CELSR1: variants seen among roughly 807,000 people sequenced by gnomAD.
CELSR1 encodes the protein adhesion G protein-coupled receptor C1.
A neutral mutation model predicts 249.1 loss-of-function variants in CELSR1; 110 were observed. The ratio of observed to expected loss-of-function variants is 0.44; its 90% CI spans 0.38 to 0.52. The LOEUF is 0.52. Ranked by LOEUF, CELSR1 falls within the 20% of genes least tolerant of loss-of-function variation. CELSR1 has a pLI of 0.00. For synonymous variants in CELSR1, 2,113 were observed against 1,900.0 expected, an observed-to-expected ratio of 1.11 and a Z score of -2.92; for missense variants, 4,109 against 4,296.4, an observed-to-expected ratio of 0.96 and a Z score of 1.22.
Position 46,399,973 on chromosome 22 carries a change from TAAAC to T in CELSR1, c.5227-75_5227-72del, listed in dbSNP as rs750248439. On this transcript the variant is annotated intron_variant, in intron 9 of 34. Coordinates refer to ENST00000674500, the MANE Select transcript of CELSR1 (RefSeq NM_001378328.1). The surrounding 1 kb of genome is among the most constrained non-coding windows in gnomAD (Gnocchi z 5.0). ...AAAGAGAAAACATTTTGCAGTCACT[TAAAC>T]AAGGAAGCTGTGAAAGGAGACTGAT... 1.6e-5 allele frequency: 23 copies of T among 1,476,776 alleles called. No homozygotes were observed. The highest frequency in any genetic ancestry group is 1.8e-4 in the Middle Eastern group (1 of 5,696). The allele number at this position is 1,476,776 out of a possible 1,614,324, so 91.5% of individuals were successfully genotyped here. A position where few individuals can be genotyped will look rare whatever the true frequency, so the allele number is the denominator to read the frequency against.
intron 1 of CELSR1, among the ~76,000 whole-genome samples, chr22:46,524,454 G>T (rs1193956028): frequency 6.6e-6 from 1 of 152,188 alleles, no homozygotes; most frequent in African/African-American, 2.4e-5. Context: ...ACAACTGGAA[G>T]GGGCGAAGTC....
Position 46,394,144 on chromosome 22 carries a change from T to G in CELSR1, c.5962A>C (p.Lys1988Gln). The G allele has an allele frequency of 6.2e-7, 1 of 1,613,522 alleles. No homozygotes were observed. Among genetic ancestry groups the G allele is most frequent in the Non-Finnish European group, 8.5e-7 (1 of 1,179,614 alleles). ...GGATCATGGGGGCGGGGCCTCACCT[T>G]GCATTGGCACTGGCCGTTGGTCTTA... ...CNKTNGQCQC[K>Q]ENYYKLLAQD... The change falls in exon 14 of 35, where the codon AAG (lysine) becomes CAG (glutamine). Residue 1988 changes from lysine to glutamine, a missense_variant and splice_region_variant. This residue lies in a region of CELSR1 where 1,805 missense variants were observed against 1,831.6 expected (regional missense o/e 0.99). Coordinates refer to ENST00000674500, the MANE Select transcript of CELSR1 (RefSeq NM_001378328.1).
intron 1 of CELSR1, among the ~76,000 whole-genome samples, chr22:46,495,904 A>G (rs2080408588): frequency 6.7e-6 from 1 of 148,390 alleles, no homozygotes; most frequent in African/African-American, 2.5e-5. Context: ...TAATTTAAAA[A>G]ATTTCTTGGC....
In CELSR1 at chr22:46,408,325, A is replaced by G. The variant is rs2079290056; in HGVS notation, c.5226+671T>C. 6.6e-6 allele frequency among the ~76,000 whole-genome samples: 1 copy of G among 152,130 alleles called. No individual in the cohort carries two copies. The highest frequency in any genetic ancestry group is 2.4e-5 in the African/African-American group (1 of 41,420). ...AGAAAGTGGACGTGCATTGGTGCCA[A>G]CCACCACCTGGCTGTGGCTTTTTGA... On this transcript the variant is annotated intron_variant, in intron 9 of 34. Coordinates refer to ENST00000674500, the MANE Select transcript of CELSR1 (RefSeq NM_001378328.1). The surrounding 1 kb of genome is among the most constrained non-coding windows in gnomAD (Gnocchi z 4.6).
At chr22:46,504,678 C>T (rs2080498118) in intron 1 of CELSR1, among the ~76,000 whole-genome samples, 1 of 152,294 alleles carries the variant, frequency 6.6e-6, no homozygotes, top group East Asian at 1.9e-4. Flanking sequence ...TGGCAGATTT[C>T]ATCTTCACAC....
At position 46,526,812 on chromosome 22, in the gene CELSR1, G is replaced by A. The variant is rs527438302; in HGVS notation, c.3544+6815C>T. Among the ~76,000 whole-genome samples, 26 of 152,158 alleles carry A rather than the reference G, an allele frequency of 1.7e-4. No homozygotes were observed. The highest frequency in any genetic ancestry group is 2.6e-4 in the Non-Finnish European group (18 of 68,032). ...ACCCTCACTTCTGTGTCCATAACCT[G>A]AGCTGGTCTCCCCAGTCTGGACCTG... On this transcript the variant is annotated intron_variant, in intron 1 of 34. Coordinates refer to ENST00000674500, the MANE Select transcript of CELSR1 (RefSeq NM_001378328.1). This position sits in a 1 kb window ranked among gnomAD's most constrained non-coding sequence, Gnocchi z 4.7.
chr22:46,390,479 C>T lies in CELSR1; in HGVS notation c.6258G>A (p.Ala2086=). 5.0e-6 allele frequency: 8 copies of T among 1,613,508 alleles called. No individual in the cohort carries two copies. Among genetic ancestry groups the T allele is most frequent in the East Asian group, 2.2e-5 (1 of 44,882 alleles). The part of the protein sequence containing the change: ...VPCPKGSVGN[A]VRHCSGEKGW... ...CCTTCTCCCCGCTGCAGTGTCGGAC[C>T]GCATTTCCTGGGGAAGGAGAGCAGG... Residue 2086 remains alanine (A), a synonymous_variant, in exon 17 of 35, where the codon GCG becomes GCA. Transcript: ENST00000674500. This position sits in a 1 kb window ranked among gnomAD's most constrained non-coding sequence, Gnocchi z 6.3.
At position 46,455,034 on chromosome 22, in the gene CELSR1, C is replaced by T. The variant is rs185207397; in HGVS notation, c.4183+8673G>A. On this transcript the variant is annotated intron_variant, in intron 2 of 34. Coordinates refer to ENST00000674500, the MANE Select transcript of CELSR1 (RefSeq NM_001378328.1). ...AGATGGAAACCTGGACAGAGACAGACGTGCACGGAAGAACACAGTGTGAAG... is the reference window on the plus strand; with the variant it reads ...AGATGGAAACCTGGACAGAGACAGATGTGCACGGAAGAACACAGTGTGAAG... Among the ~76,000 whole-genome samples, 16 of 152,266 alleles carry T rather than the reference C, an allele frequency of 1.1e-4. No individual in the cohort carries two copies. In the East Asian group the frequency reaches 1.9e-3, roughly 18 times the overall value.
Position 46,428,130 on chromosome 22 carries a change from G to A in CELSR1, c.4611+5263C>T, listed in dbSNP as rs1488971444. ...AAGCACTTACATCCTCTGCTCAACA[G>A]AAGCAGAGGCCGGTCCTCCGGTTTG... On this transcript the variant is annotated intron_variant, in intron 5 of 34. Coordinates refer to ENST00000674500, the MANE Select transcript of CELSR1 (RefSeq NM_001378328.1). This position sits in a 1 kb window ranked among gnomAD's most constrained non-coding sequence, Gnocchi z 5.7. Among the ~76,000 whole-genome samples the A allele has an allele frequency of 6.6e-6, 1 of 152,216 alleles. No individual in the cohort carries two copies. Among genetic ancestry groups the A allele is most frequent in the Non-Finnish European group, 1.5e-5 (1 of 68,024 alleles).
At position 46,380,948 on chromosome 22, in the gene CELSR1, GAGGCAACC is replaced by G. The variant is rs2078971798; in HGVS notation, c.7089-1_7095del. On this transcript the variant is annotated splice_acceptor_variant and coding_sequence_variant, in exon 22 of 35. Transcript: ENST00000674500. LOFTEE classifies it high-confidence loss of function. This position sits in a 1 kb window ranked among gnomAD's most constrained non-coding sequence, Gnocchi z 5.1. Reference sequence around the variant, plus strand: ...ATCGGGGTATTAATGATGGGCCGGTGAGGCAACCTGAGGTCAAGAAGCCAGAGCATGGG... The same window carrying G: ...ATCGGGGTATTAATGATGGGCCGGTGTGAGGTCAAGAAGCCAGAGCATGGG... 2 of 1,611,712 alleles carry G rather than the reference GAGGCAACC, an allele frequency of 1.2e-6. No homozygotes were observed. The highest frequency in any genetic ancestry group is 2.7e-5 in the African/African-American group (2 of 74,880).
intron 2 of CELSR1, among the ~76,000 whole-genome samples, chr22:46,449,477 ACTATCCATCATTCATCCAT>A (rs1253505710): frequency 6.6e-6 from 1 of 151,810 alleles, no homozygotes; most frequent in East Asian, 1.9e-4. Context: ...CACCCACCCA[ACTATCCATCATTCATCCAT>A]CTATCCACCC....
intron 32 of CELSR1, 135 bp downstream of exon 32, chr22:46,365,096 A>C (rs1602018451): frequency 3.9e-6 from 5 of 1,270,574 alleles, no homozygotes; most frequent in Non-Finnish European, 5.3e-6. Context: ...GAGTCCCCCC[A>C]CCCCAGGCTG....
chr22:46,453,868 G>C (rs1296702998), intron 2 of CELSR1, among the ~76,000 whole-genome samples: 1 of 152,198 alleles, frequency 6.6e-6, no homozygotes. Flanking sequence ...CCGGGTGTGA[G>C]TGGTCGAGAT....
chr22:46,527,491 C>T lies in CELSR1; in HGVS notation c.3544+6136G>A, dbSNP rs531115930. On this transcript the variant is annotated intron_variant, in intron 1 of 34. Coordinates refer to ENST00000674500, the MANE Select transcript of CELSR1 (RefSeq NM_001378328.1). The surrounding 1 kb of genome is among the most constrained non-coding windows in gnomAD (Gnocchi z 5.5). ...AGGGGGGTAGAGAAGAGTCCCAGCCCGCCCTTGCCTGCACCTGGTGTCACC... is the reference window on the plus strand; with the variant it reads ...AGGGGGGTAGAGAAGAGTCCCAGCCTGCCCTTGCCTGCACCTGGTGTCACC... Among the ~76,000 whole-genome samples, 17 of 152,328 alleles carry T rather than the reference C, an allele frequency of 1.1e-4. No individual in the cohort carries two copies. The highest frequency in any genetic ancestry group is 2.4e-4 in the Non-Finnish European group (16 of 68,032).
intron 2 of CELSR1, among the ~76,000 whole-genome samples, chr22:46,460,202 C>CAA (rs2080006774): frequency 1.6e-5 from 2 of 126,768 alleles, no homozygotes; most frequent in Non-Finnish European, 3.3e-5. Flanking sequence ...CACACACACA[C>CAA]ACACACACAC....
rs1399721198 is a variant in CELSR1, at chr22:46,361,481, T to G, written c.*1742A>C. On this transcript the variant is annotated 3_prime_UTR_variant, in exon 35 of 35. Transcript: ENST00000674500. The stretch of plus-strand genomic sequence containing the variant: ...CTGTTAAAGTCATGAAAGGAGACTG[T>G]TCGAAGACTTAAAAACCTTTTCGTA... 6.6e-6 allele frequency: 1 copy of G among 152,324 alleles called. No homozygotes were observed. Among genetic ancestry groups the G allele is most frequent in the African/African-American group, 2.4e-5 (1 of 41,456 alleles). 9.4% of individuals were successfully genotyped at this position (152,324 alleles called of 1,614,324 possible). A position where few individuals can be genotyped will look rare whatever the true frequency, so the allele number is the denominator to read the frequency against.
intron 1 of CELSR1, among the ~76,000 whole-genome samples, chr22:46,515,130 C>A (rs1231010600): frequency 1.3e-5 from 2 of 152,322 alleles, no homozygotes; most frequent in African/African-American, 2.4e-5. Context: ...AGCCAACCCC[C>A]CCCGGGGACA....
chr22:46,377,398 C>A, intron 23 of CELSR1, 137 bp from the exon 24 acceptor site: 1 of 952,888 alleles, frequency 1.0e-6, no homozygotes, highest in Non-Finnish European at 1.6e-6. Flanking sequence ...CTGGGGAGGC[C>A]GAGTGCTCAT....
chr22:46,496,913 G>C (rs1480501437), intron 1 of CELSR1, among the ~76,000 whole-genome samples: 1 of 152,008 alleles, frequency 6.6e-6, no homozygotes, highest in East Asian at 1.9e-4. Context: ...AAAGAGTATA[G>C]TACAGTAAAT....
Sources: allele counts gnomAD v4.1 joint callset (sites outside exome capture counted in the v4.1 genomes callset), GRCh38; gene constraint gnomAD v4.1.1; regional missense constraint gnomAD v4.1.1; non-coding constraint Gnocchi (gnomAD v3.1); transcripts MANE v1.5; gene names NCBI Gene and HGNC (gene_info 2026-07-23, HGNC 2026-07-21).